Variants in CHRM5 observed in about 807,000 individuals in gnomAD.
CHRM5 encodes the protein cholinergic receptor muscarinic 5.
CHRM5 carries 18 observed loss-of-function variants against 39.0 expected under a neutral mutation model. That is an observed-to-expected ratio of 0.46 (90% CI 0.32 to 0.68). CHRM5 has a LOEUF of 0.68. Ranked by LOEUF, CHRM5 falls within the 30% of genes least tolerant of loss-of-function variation. The probability of loss-of-function intolerance (pLI) is 0.04; values close to 1 mark genes in which losing one functional copy is unlikely to be tolerated. For synonymous variants in CHRM5, 241 were observed against 246.3 expected (o/e 0.98, Z 0.20); for missense variants, 515 against 651.1 (o/e 0.79, Z 2.28).
chr15:34,038,870 G>A (rs1406462322), intron 1 of CHRM5: 22 of 1,149,494 alleles, frequency 1.9e-5, no homozygotes, highest in Non-Finnish European at 2.0e-5. Flanking sequence ...GAGCGCCGCG[G>A]AAGCCCCGGC....
intron 2 of CHRM5, among the ~76,000 whole-genome samples, chr15:34,053,332 A>G (rs1900013637): frequency 7.1e-6 from 1 of 140,114 alleles, no homozygotes; most frequent in East Asian, 2.0e-4. Context: ...ATATATATAT[A>G]TATATATATA....
Position 34,063,414 on chromosome 15 carries a change from T to G in CHRM5, c.697T>G (p.Ser233Ala). 2.5e-6 allele frequency: 4 copies of G among 1,613,998 alleles called. No homozygotes were observed. Among genetic ancestry groups the G allele is most frequent in the Non-Finnish European group, 3.4e-6 (4 of 1,180,042 alleles). ...CAAGGACCTGGCTGACCTCCAGGGT[T>G]CTGACTCTGTGACCAAAGCTGAGAA... ...RTKDLADLQG[S>A]DSVTKAEKRK... Residue 233 changes from serine (S) to alanine (A), a missense_variant, in exon 3 of 3, where the codon TCT becomes GCT. Transcript: ENST00000383263. This position sits in a 1 kb window ranked among gnomAD's most constrained non-coding sequence, Gnocchi z 4.1.
At chr15:34,040,275 A>G (rs752827450) in intron 1 of CHRM5, among the ~76,000 whole-genome samples, 5 of 152,220 alleles carry the variant, frequency 3.3e-5, no homozygotes, top group Non-Finnish European at 7.3e-5. Flanking sequence ...GAGTGCAGTG[A>G]GAGATTCAAG....
intron 1 of CHRM5, among the ~76,000 whole-genome samples, chr15:34,029,130 C>A (rs560616922): frequency 6.6e-6 from 1 of 152,232 alleles, no homozygotes; most frequent in Non-Finnish European, 1.5e-5. Flanking sequence ...TCCACAGCAC[C>A]TTCCCCTCTC....
intron 1 of CHRM5, among the ~76,000 whole-genome samples, chr15:34,032,867 T>G (rs371857191): frequency 3.3e-5 from 5 of 152,338 alleles, no homozygotes; most frequent in African/African-American, 1.2e-4. Flanking sequence ...TATGTCCTTT[T>G]GCAAATCAGG....
chr15:34,064,103 C>T lies in CHRM5; in HGVS notation c.1386C>T (p.Val462=), dbSNP rs1900444543. 2 of 1,614,190 alleles carry T rather than the reference C, an allele frequency of 1.2e-6. No individual in the cohort carries two copies. Among genetic ancestry groups the T allele is most frequent in the African/African-American group, 1.3e-5 (1 of 75,052 alleles). The change falls in exon 3 of 3, where the codon GTC becomes GTT. Residue 462 remains valine (V), a synonymous_variant. Transcript: ENST00000383263. ...CATGGACCCCGTATAACATCATGGT[C>T]CTGGTTTCTACCTTCTGTGACAAGT... ...IITWTPYNIM[V]LVSTFCDKCV... is the part of the protein sequence containing the mutation.
chr15:33,987,066 A>G (rs1896508097), intron 1 of CHRM5, among the ~76,000 whole-genome samples: 1 of 152,202 alleles, frequency 6.6e-6, no homozygotes, highest in South Asian at 2.1e-4. Flanking sequence ...TCACCACTCA[A>G]TGCCTCTAAA....
rs1385363833 is a variant in CHRM5 at position 34,061,850 on chromosome 15, T to C, written c.-75-793T>C. Reference sequence around the variant, plus strand: ...AAGGAGAGGTGGTATAATATGGTCTTGGCTCACAACGGCACCTCAGTAATG... The same window carrying C: ...AAGGAGAGGTGGTATAATATGGTCTCGGCTCACAACGGCACCTCAGTAATG... On this transcript the variant is annotated intron_variant, in intron 2 of 2. Transcript: ENST00000383263. Among the ~76,000 whole-genome samples the C allele has an allele frequency of 4.6e-5, 7 of 152,304 alleles. No homozygotes were observed. The South Asian group carries it at 1.2e-3, about 27-fold the overall frequency.
chr15:33,972,509 C>CAAAAAT (rs1895682190), intron 1 of CHRM5: 1 of 151,480 alleles, frequency 6.6e-6, no homozygotes, highest in African/African-American at 2.4e-5. Flanking sequence ...TGTTAAAAAA[C>CAAAAAT]AAAAACAACA....
chr15:34,049,704 A>G (rs1045373085), intron 2 of CHRM5, among the ~76,000 whole-genome samples: 1 of 152,244 alleles, frequency 6.6e-6, no homozygotes. Context: ...ATACTCCACA[A>G]GAAGATCAAC....
intron 1 of CHRM5, among the ~76,000 whole-genome samples, chr15:34,040,779 A>C (rs898192278): frequency 1.2e-4 from 18 of 152,024 alleles, no homozygotes; most frequent in Admixed American, 1.2e-3. Context: ...TTAGCTGGGC[A>C]TGGTGGTATA....
At chr15:34,029,837 AACAGAG>A (rs765966863) in intron 1 of CHRM5, among the ~76,000 whole-genome samples, 3 of 152,228 alleles carry the variant, frequency 2.0e-5, no homozygotes, top group Non-Finnish European at 4.4e-5. Context: ...CCAAATATTG[AACAGAG>A]ACACTCTATT....
chr15:34,044,843 G>C (rs923551917), intron 1 of CHRM5, among the ~76,000 whole-genome samples: 1 of 152,232 alleles, frequency 6.6e-6, no homozygotes, highest in Admixed American at 6.5e-5. Context: ...GAGGTCAGGA[G>C]ATGGAGACCA....
chr15:34,058,109 C>T (rs556350717), intron 2 of CHRM5, among the ~76,000 whole-genome samples: 4 of 152,214 alleles, frequency 2.6e-5, no homozygotes, highest in East Asian at 1.9e-4. Flanking sequence ...TCTTTTCATT[C>T]GGCACCTCAG....
intron 1 of CHRM5, among the ~76,000 whole-genome samples, chr15:33,987,438 C>CA (rs1179616046): frequency 6.6e-6 from 1 of 152,190 alleles, no homozygotes; most frequent in Non-Finnish European, 1.5e-5. Flanking sequence ...CTTGCCTCCA[C>CA]AGTGTTAGGA....
chr15:34,027,514 G>C (rs1898538581), intron 1 of CHRM5, among the ~76,000 whole-genome samples: 1 of 141,186 alleles, frequency 7.1e-6, no homozygotes, highest in Non-Finnish European at 1.6e-5. Context: ...GGATGACAAA[G>C]AGAGACTCTG....
chr15:33,975,351 G>C (rs1597295954), intron 1 of CHRM5, among the ~76,000 whole-genome samples: 1 of 152,154 alleles, frequency 6.6e-6, no homozygotes, highest in African/African-American at 2.4e-5. Flanking sequence ...TAGAGCAAGA[G>C]GGCACAGGTT....
chr15:34,039,028 C>T (rs1057212165), intron 1 of CHRM5: 35 of 1,121,178 alleles, frequency 3.1e-5, no homozygotes, highest in Non-Finnish European at 3.6e-5. Context: ...CCTCCCCGAG[C>T]TCCTCGCTCC....
At chr15:34,047,392 T>A (rs547240739) in intron 2 of CHRM5, among the ~76,000 whole-genome samples, 126 of 152,220 alleles carry the variant, frequency 8.3e-4, no homozygotes, top group Non-Finnish European at 1.3e-3. Context: ...CTAGCAGTTT[T>A]ACATACTCCA....
Sources: gnomAD v4.1 joint callset for allele counts (sites outside exome capture counted in the v4.1 genomes callset) on GRCh38, gnomAD v4.1.1 for gene constraint, Gnocchi (gnomAD v3.1) non-coding constraint, MANE v1.5 for transcripts, NCBI Gene and HGNC (gene_info 2026-07-23, HGNC 2026-07-21) for gene names.